Variants in NCR1 observed in about 807,000 individuals in gnomAD.
NCR1 encodes NK cell-activating receptor.
NCR1 carries 30 observed loss-of-function variants against 32.5 expected under a neutral mutation model. The ratio of observed to expected loss-of-function variants is 0.92; its 90% CI spans 0.69 to 1.25. NCR1 has a LOEUF of 1.25. Among genes scored for constraint, NCR1 ranks in the 50% most tolerant of loss-of-function variants. The probability of loss-of-function intolerance (pLI) is 0.00; values close to 1 mark genes in which losing one functional copy is unlikely to be tolerated. For missense variants in NCR1, 369 were observed against 380.7 expected, an observed-to-expected ratio of 0.97 and a Z score of 0.26; for synonymous variants, 169 against 143.4, an observed-to-expected ratio of 1.18 and a Z score of -1.28.
At chr19:54,911,218 G>A (rs1042792270) in intron 5 of NCR1, among the ~76,000 whole-genome samples, 41 of 151,962 alleles carry the variant, frequency 2.7e-4, no homozygotes, top group African/African-American at 8.9e-4. Flanking sequence ...GCGTGGTGGC[G>A]GGCGCCTGTA....
At position 54,906,581 on chromosome 19, in the gene NCR1, G is replaced by A. The variant is rs777459871; in HGVS notation, c.129G>A (p.Lys43=). The change falls in exon 3 of 7, where the codon AAG becomes AAA. Residue 43 remains lysine, a synonymous_variant. Transcript: ENST00000291890. ...AEPHFMVPKE[K]QVTICCQGNY... is the part of the protein sequence containing the mutation. ...CCCATTTCATGGTTCCAAAGGAAAA[G>A]CAAGTGACCATCTGTTGCCAGGGAA... 1.9e-6 allele frequency: 3 copies of A among 1,613,698 alleles called. No homozygotes were observed. The highest frequency in any genetic ancestry group is 8.5e-7 in the Non-Finnish European group (1 of 1,180,048).
chr19:54,931,044 A>G, the NCR1 span, among the ~76,000 whole-genome samples: 1 of 152,136 alleles, frequency 6.6e-6, no homozygotes, highest in Non-Finnish European at 1.5e-5. Context: ...AACAACAACA[A>G]AAAGTATTTA....
At chr19:54,905,855 T>C (rs2067569217), upstream of NCR1, among the ~76,000 whole-genome samples, 1 of 152,248 alleles carries the variant, frequency 6.6e-6, no homozygotes, top group South Asian at 2.1e-4. Context: ...GGGTTTCCTC[T>C]GGGCATGATT....
chr19:54,923,790 A>T, the NCR1 span: 1 of 1,614,110 alleles, frequency 6.2e-7, no homozygotes, highest in Non-Finnish European at 8.5e-7. Flanking sequence ...GAAGCATTGC[A>T]ATCAATAGTC....
chr19:54,912,207 G>T lies in NCR1; in HGVS notation c.722G>T (p.Gly241Val), dbSNP rs2068009574. 6.2e-7 allele frequency: 1 copy of T among 1,613,878 alleles called. No homozygotes were observed. The highest frequency in any genetic ancestry group is 2.2e-5 in the East Asian group (1 of 44,876). The change falls in exon 6 of 7, where the codon GGA (glycine) becomes GTA (valine). Residue 241 changes from glycine to valine, a missense_variant. By Grantham distance (109) the Gly-to-Val change is moderately radical. Transcript: ENST00000291890. Reference sequence around the variant, plus strand: ...ACCTACCTTTTAACCACAGAGACGGGACTCCAGAAAGGTAAGTAGACAGCT... The same window carrying T: ...ACCTACCTTTTAACCACAGAGACGGTACTCCAGAAAGGTAAGTAGACAGCT... ...WGTYLLTTET[G>V]LQKDHALWDH...
chr19:54,937,326 C>T, the NCR1 span, among the ~76,000 whole-genome samples: 1 of 151,784 alleles, frequency 6.6e-6, no homozygotes, highest in Non-Finnish European at 1.5e-5. Flanking sequence ...CTATGACACA[C>T]GGTTACCTGT....
At position 54,906,361 on chromosome 19, in the gene NCR1, T is replaced by A. The variant is rs1479679212; in HGVS notation, c.70+27T>A. On this transcript the variant is annotated intron_variant, in intron 2 of 6. Transcript: ENST00000291890. ...TGAGTCCTTCCTTCAAAGCCCAGGG[T>A]CACTCTTCCGGATTCAGGCCAAGCT... The A allele has an allele frequency of 3.1e-6, 5 of 1,612,084 alleles. No individual in the cohort carries two copies. In the South Asian group the frequency reaches 4.4e-5, roughly 14 times the overall value.
the NCR1 span, among the ~76,000 whole-genome samples, chr19:54,927,381 CAA>C: frequency 4.5e-4 from 62 of 138,728 alleles, no homozygotes; most frequent in East Asian, 4.1e-4. Flanking sequence ...AACTCCGTCT[CAA>C]AAAAAAAAAA....
At chr19:54,933,757 A>C in the NCR1 span, 3 of 1,609,932 alleles carry the variant, frequency 1.9e-6, no homozygotes, top group South Asian at 3.3e-5. Flanking sequence ...AATATGAAAC[A>C]AATGGTAGAA....
In NCR1 at chr19:54,906,724, G is replaced by C. The variant is rs114139466; in HGVS notation, c.272G>C (p.Arg91Pro). 1.9e-6 allele frequency: 3 copies of C among 1,614,180 alleles called. No homozygotes were observed. Among genetic ancestry groups the C allele is most frequent in the Non-Finnish European group, 2.5e-6 (3 of 1,180,024 alleles). ...TTCTACATCCCGGACATGAACTCCC[G>C]CATGGCAGGGCAATACAGCTGCATC... is the stretch of plus-strand genomic sequence containing the variant. ...VQFYIPDMNS[R>P]MAGQYSCIYR... is the part of the protein sequence containing the mutation. The change falls in exon 3 of 7, where the codon CGC (arginine) becomes CCC (proline). Residue 91 changes from arginine (R) to proline (P), a missense_variant. Physicochemically the swap from Arg to Pro is moderately radical, Grantham distance 103. Coordinates refer to ENST00000291890, the MANE Select transcript of NCR1 (RefSeq NM_004829.7).
At chr19:54,927,711 G>A in the NCR1 span, 3 of 1,613,900 alleles carry the variant, frequency 1.9e-6, no homozygotes, top group Non-Finnish European at 1.7e-6. Context: ...TCAAGCTTCT[G>A]ATTGCTGAGG....
At chr19:54,904,361 G>T (rs1053275976), upstream of NCR1, among the ~76,000 whole-genome samples, 1 of 151,718 alleles carries the variant, frequency 6.6e-6, no homozygotes, top group Non-Finnish European at 1.5e-5. Context: ...TATCTTTTTA[G>T]ATTCAGCAGA....
downstream of NCR1, among the ~76,000 whole-genome samples, chr19:54,920,158 C>T (rs1291494725): frequency 6.6e-6 from 1 of 152,186 alleles, no homozygotes; most frequent in Non-Finnish European, 1.5e-5. Context: ...TGCCTTGCCG[C>T]CCACAATCCA....
chr19:54,908,482 G>A (rs113104038), intron 3 of NCR1, among the ~76,000 whole-genome samples: 92,624 of 149,912 alleles, frequency 0.62, 30,928 homozygotes, highest in Non-Finnish European at 0.77. Flanking sequence ...ATCATGGCCC[G>A]TTCTCAATGA....
At chr19:54,906,102 T>C (rs747352082), upstream of NCR1, 391 of 1,545,882 alleles carry the variant, frequency 2.5e-4, 1 homozygote, top group Admixed American at 2.0e-3. Flanking sequence ...GCGCTGGTGC[T>C]CACCCACCAC....
chr19:54,908,653 CTT>C (rs34151807), intron 3 of NCR1, among the ~76,000 whole-genome samples: 2 of 135,064 alleles, frequency 1.5e-5, no homozygotes, highest in Non-Finnish European at 1.6e-5. Flanking sequence ...CTGGCCGGGG[CTT>C]TTTTTTTTTT....
At chr19:54,924,662 A>G in the NCR1 span, among the ~76,000 whole-genome samples, 1 of 152,078 alleles carries the variant, frequency 6.6e-6, no homozygotes, top group Non-Finnish European at 1.5e-5. Flanking sequence ...AGGCTGGTGC[A>G]CGGTGACTCA....
upstream of NCR1, among the ~76,000 whole-genome samples, chr19:54,901,960 T>A (rs587595125): frequency 4.5e-4 from 68 of 152,356 alleles, no homozygotes; most frequent in African/African-American, 1.6e-3. Flanking sequence ...AGAGCAAGAT[T>A]CCATCTCCAA....
downstream of NCR1, among the ~76,000 whole-genome samples, chr19:54,913,339 CCGCTGCGCCCAGCCACTGA>C (rs2068065390): frequency 2.6e-5 from 4 of 152,280 alleles, no homozygotes; most frequent in Admixed American, 2.6e-4. Context: ...CAGGCATAAG[CCGCTGCGCCCAGCCACTGA>C]ATTTCTTCTG....
Sources: gnomAD v4.1 joint callset for allele counts (sites outside exome capture counted in the v4.1 genomes callset) on GRCh38, gnomAD v4.1.1 for gene constraint, MANE v1.5 for transcripts, NCBI Gene and HGNC (gene_info 2026-07-23, HGNC 2026-07-21) for gene names.